The following IGSF3 variants were observed in gnomAD, a reference collection of about 807,000 sequenced individuals.
IGSF3 encodes glu-Trp-Ile EWI motif-containing protein 3.
Under a neutral mutation model 114.4 loss-of-function variants are expected in IGSF3, and 23 were observed. The ratio of observed to expected loss-of-function variants is 0.20; its 90% CI spans 0.14 to 0.28. IGSF3 has a LOEUF of 0.28. Ranked by LOEUF, IGSF3 falls within the 10% of genes least tolerant of loss-of-function variation. The pLI is 1.00. For missense variants in IGSF3, 1,172 were observed against 1,591.5 expected (o/e 0.74, Z 4.48); for synonymous variants, 571 against 645.2 (o/e 0.88, Z 1.74).
At chr1:116,619,390 G>A (rs1661338806) in intron 2 of IGSF3, among the ~76,000 whole-genome samples, 1 of 152,100 alleles carries the variant, frequency 6.6e-6, no homozygotes, top group Non-Finnish European at 1.5e-5. Flanking sequence ...AGGACAGCAG[G>A]GTCAAATCAA....
chr1:116,577,289 A>C lies in IGSF3; in HGVS notation c.*23T>G. 1 of 1,610,326 alleles carries C rather than the reference A, an allele frequency of 6.2e-7. No homozygotes were observed. ...GAGAGCCTCAGCTCCTCCGTGGCCA[A>C]CATCCGCTGGGGCATCACCCGCTTA... On this transcript the variant is annotated 3_prime_UTR_variant, in exon 11 of 11. Coordinates refer to ENST00000369486, the MANE Select transcript of IGSF3 (RefSeq NM_001007237.3). The surrounding 1 kb of genome is among the most constrained non-coding windows in gnomAD (Gnocchi z 5.7).
chr1:116,580,807 C>T (rs1392671469), intron 9 of IGSF3, among the ~76,000 whole-genome samples: 1 of 152,134 alleles, frequency 6.6e-6, no homozygotes, highest in Non-Finnish European at 1.5e-5. Context: ...AGAAAGTGGC[C>T]ATATGATGAT....
At position 116,649,991 on chromosome 1, in the gene IGSF3, G is replaced by A. The variant is rs549575616; in HGVS notation, c.43+16293C>T. 1.3e-5 allele frequency among the ~76,000 whole-genome samples: 2 copies of A among 152,158 alleles called. No homozygotes were observed. Among genetic ancestry groups the A allele is most frequent in the East Asian group, 3.9e-4 (2 of 5,176 alleles). ...CACACAAATCCTAATCCTACCTCAG[G>A]ATCCATTTCAAATACAATCTCCTCA... On this transcript the variant is annotated intron_variant, in intron 2 of 10. Transcript: ENST00000369486. The surrounding 1 kb of genome is among the most constrained non-coding windows in gnomAD (Gnocchi z 4.5).
intron 2 of IGSF3, among the ~76,000 whole-genome samples, chr1:116,639,750 A>G (rs1404129159): frequency 6.6e-6 from 1 of 152,184 alleles, no homozygotes; most frequent in Non-Finnish European, 1.5e-5. Flanking sequence ...GAGCTCCATG[A>G]TCTACTATCA....
At chr1:116,590,003 G>A (rs1450131296) in intron 7 of IGSF3, among the ~76,000 whole-genome samples, 4 of 152,162 alleles carry the variant, frequency 2.6e-5, no homozygotes, top group Non-Finnish European at 5.9e-5. Context: ...GAACGAGTGG[G>A]TGAGCGAATG....
Position 116,666,984 on chromosome 1 carries a change from T to G in IGSF3, c.-630-28A>C, listed in dbSNP as rs1649358729. On this transcript the variant is annotated intron_variant, in intron 1 of 10. Transcript: ENST00000369486. The stretch of plus-strand genomic sequence containing the variant: ...AAAACAAACACAACAGAGATTTTTA[T>G]CAAAGGCAAAGCTGCAAAACCCACT... 4 of 400,082 alleles carry G rather than the reference T, an allele frequency of 1.0e-5. No individual in the cohort carries two copies. In the East Asian group the frequency reaches 1.4e-4, roughly 14 times the overall value. The allele number at this position is 400,082 out of a possible 1,614,324, so 24.8% of individuals were successfully genotyped here.
At position 116,576,499 on chromosome 1, in the gene IGSF3, G is replaced by A. The variant is rs972908486; in HGVS notation, c.*813C>T. 2 of 152,630 alleles carry A rather than the reference G, an allele frequency of 1.3e-5. No homozygotes were observed. Among genetic ancestry groups the A allele is most frequent in the Non-Finnish European group, 2.9e-5 (2 of 68,050 alleles). 9.5% of individuals were successfully genotyped at this position (152,630 alleles called of 1,614,324 possible). A position where few individuals can be genotyped will look rare whatever the true frequency, so the allele number is the denominator to read the frequency against. ...AAGCAGCCCCTGCCCACTTTAATTT[G>A]GAAAGTGTGTGCCGTTTGGGGCTTC... is the stretch of plus-strand genomic sequence containing the variant. On this transcript the variant is annotated 3_prime_UTR_variant, in exon 11 of 11. Coordinates refer to ENST00000369486, the MANE Select transcript of IGSF3 (RefSeq NM_001007237.3). The surrounding 1 kb of genome is among the most constrained non-coding windows in gnomAD (Gnocchi z 4.6).
chr1:116,626,023 C>T (rs1201778422), intron 2 of IGSF3, among the ~76,000 whole-genome samples: 5 of 152,152 alleles, frequency 3.3e-5, no homozygotes, highest in Non-Finnish European at 7.3e-5. Flanking sequence ...CTGCCTAATT[C>T]CCTCATTACT....
rs1411117362 is a variant in IGSF3, at chr1:116,634,735, C to G, written c.44-18278G>C. Among the ~76,000 whole-genome samples, 1 of 152,124 alleles carries G rather than the reference C, an allele frequency of 6.6e-6. No individual in the cohort carries two copies. The highest frequency in any genetic ancestry group is 1.5e-5 in the Non-Finnish European group (1 of 68,028). ...GAGGGCAGAACCTGTGTTTCCTCTC[C>G]CTGAATCTAGGTGGGCTACAGCTCT... On this transcript the variant is annotated intron_variant, in intron 2 of 10. Transcript: ENST00000369486. This position sits in a 1 kb window ranked among gnomAD's most constrained non-coding sequence, Gnocchi z 4.2.
intron 10 of IGSF3, among the ~76,000 whole-genome samples, chr1:116,578,072 T>C (rs1159406006): frequency 6.6e-6 from 1 of 152,204 alleles, no homozygotes; most frequent in East Asian, 1.9e-4. Context: ...TATGGACCAC[T>C]TACAAACGTC....
chr1:116,652,277 G>A (rs542095680), intron 2 of IGSF3, among the ~76,000 whole-genome samples: 4 of 152,294 alleles, frequency 2.6e-5, no homozygotes, highest in South Asian at 2.1e-4. Flanking sequence ...AACAATTGGT[G>A]CACTAATTGC....
chr1:116,654,951 C>T lies in IGSF3; in HGVS notation c.43+11333G>A, dbSNP rs1311002963. Among the ~76,000 whole-genome samples the T allele has an allele frequency of 6.6e-6, 1 of 152,098 alleles. No individual in the cohort carries two copies. Among genetic ancestry groups the T allele is most frequent in the Non-Finnish European group, 1.5e-5 (1 of 68,036 alleles). ...CAGATACCCCCTCTTCCTGGTGGCA[C>T]CGGGCATTGGTAACTCATGGCTGTA... is the stretch of plus-strand genomic sequence containing the variant. On this transcript the variant is annotated intron_variant, in intron 2 of 10. Transcript: ENST00000369486. This position sits in a 1 kb window ranked among gnomAD's most constrained non-coding sequence, Gnocchi z 4.4.
Position 116,605,879 on chromosome 1 carries a change from G to A in IGSF3, c.1223-1854C>T, listed in dbSNP as rs571465364. Among the ~76,000 whole-genome samples, 1 of 152,280 alleles carries A rather than the reference G, an allele frequency of 6.6e-6. No individual in the cohort carries two copies. Among genetic ancestry groups the A allele is most frequent in the South Asian group, 2.1e-4 (1 of 4,824 alleles). On this transcript the variant is annotated intron_variant, in intron 5 of 10. Coordinates refer to ENST00000369486, the MANE Select transcript of IGSF3 (RefSeq NM_001007237.3). This position sits in a 1 kb window ranked among gnomAD's most constrained non-coding sequence, Gnocchi z 5.1. ...ATCCCCTACTGTCATCCCAGTGGAC[G>A]CTTATCCAAGTCCTGGCTCATTTAT... is the stretch of plus-strand genomic sequence containing the variant.
rs1431988972 is a variant in IGSF3, at chr1:116,604,042, A to G, written c.1223-17T>C. The G allele has an allele frequency of 1.3e-6, 2 of 1,577,420 alleles. No individual in the cohort carries two copies. The highest frequency in any genetic ancestry group is 1.7e-6 in the Non-Finnish European group (2 of 1,164,488). Reference sequence around the variant, plus strand: ...TGCTGCTCTCTAGGAAGAGGGAGAGAGAAACACCCTGGAGGCTTTATGGTC... The same window carrying G: ...TGCTGCTCTCTAGGAAGAGGGAGAGGGAAACACCCTGGAGGCTTTATGGTC... On this transcript the variant is annotated splice_polypyrimidine_tract_variant and intron_variant, in intron 5 of 10. Coordinates refer to ENST00000369486, the MANE Select transcript of IGSF3 (RefSeq NM_001007237.3).
In IGSF3 at chr1:116,625,565, G is replaced by T. The variant is rs1337528466; in HGVS notation, c.44-9108C>A. Among the ~76,000 whole-genome samples the T allele has an allele frequency of 1.3e-5, 2 of 152,240 alleles. No homozygotes were observed. Among genetic ancestry groups the T allele is most frequent in the Admixed American group, 6.5e-5 (1 of 15,280 alleles). ...TTGAGAAAGAGCCTAACAGAGGTAA[G>T]GAAGAAGACGGATCAGATTTACGCT... On this transcript the variant is annotated intron_variant, in intron 2 of 10. Coordinates refer to ENST00000369486, the MANE Select transcript of IGSF3 (RefSeq NM_001007237.3). This position sits in a 1 kb window ranked among gnomAD's most constrained non-coding sequence, Gnocchi z 4.7.
Position 116,650,716 on chromosome 1 carries a change from G to A in IGSF3, c.43+15568C>T, listed in dbSNP as rs1444449559. On this transcript the variant is annotated intron_variant, in intron 2 of 10. Coordinates refer to ENST00000369486, the MANE Select transcript of IGSF3 (RefSeq NM_001007237.3). This position sits in a 1 kb window ranked among gnomAD's most constrained non-coding sequence, Gnocchi z 5.0. ...TTGCCACCCCCATCCTGTGCTGGCA[G>A]ATAAGGATGCTCAACAAATAGCTGT... Among the ~76,000 whole-genome samples, 4 of 152,244 alleles carry A rather than the reference G, an allele frequency of 2.6e-5. No individual in the cohort carries two copies. Among genetic ancestry groups the A allele is most frequent in the African/African-American group, 9.6e-5 (4 of 41,456 alleles).
At chr1:116,666,202 G>T (rs1649324654) in intron 2 of IGSF3, 82 bp downstream of exon 2, 1 of 1,357,564 alleles carries the variant, frequency 7.4e-7, no homozygotes, top group Non-Finnish European at 1.1e-6. Context: ...TAGTGTTGAT[G>T]AAAAAGAACC....
intron 6 of IGSF3, among the ~76,000 whole-genome samples, chr1:116,602,963 T>C (rs556110795): frequency 9.6e-4 from 147 of 152,342 alleles, no homozygotes; most frequent in Admixed American, 1.2e-3. Context: ...TTGTTAGGTA[T>C]GGGCCCCGTC....
At chr1:116,601,082 G>A (rs1197118045) in intron 6 of IGSF3, among the ~76,000 whole-genome samples, 1 of 152,158 alleles carries the variant, frequency 6.6e-6, no homozygotes, top group Non-Finnish European at 1.5e-5. Context: ...AAAGCTAACA[G>A]TAGCCAGTAT....
Sources: allele counts gnomAD v4.1 joint callset (sites outside exome capture counted in the v4.1 genomes callset), GRCh38; gene constraint gnomAD v4.1.1; non-coding constraint Gnocchi (gnomAD v3.1); transcripts MANE v1.5; gene names NCBI Gene and HGNC (gene_info 2026-07-23, HGNC 2026-07-21).